TM2D1: variants seen among roughly 807,000 people sequenced by gnomAD.
TM2D1 encodes the protein TM2 domain containing 1.
Under a neutral mutation model 28.4 loss-of-function variants are expected in TM2D1, and 15 were observed. The observed-to-expected ratio is 0.53, with a 90% CI of 0.35 to 0.81. The LOEUF is 0.81. Among genes scored for constraint, TM2D1 ranks in the 40% least tolerant of loss-of-function variants. The pLI, the probability that TM2D1 is intolerant of heterozygous loss-of-function variation, is 0.01. For missense variants in TM2D1, 236 were observed against 254.9 expected (o/e 0.93, Z 0.50); for synonymous variants, 93 against 96.2 (o/e 0.97, Z 0.20).
chr1:61,707,169 G>A (rs897426307), intron 3 of TM2D1, among the ~76,000 whole-genome samples: 2 of 152,132 alleles, frequency 1.3e-5, no homozygotes, highest in African/African-American at 4.8e-5. Flanking sequence ...ATGAGAGGAT[G>A]GCTTGAACCA....
At chr1:61,708,996 T>C (rs1285174254) in intron 3 of TM2D1, among the ~76,000 whole-genome samples, 1 of 151,942 alleles carries the variant, frequency 6.6e-6, no homozygotes, top group Non-Finnish European at 1.5e-5. Flanking sequence ...AGAGATCTCA[T>C]CTCTACAAAA....
At chr1:61,691,216 C>A (rs905273820) in intron 5 of TM2D1, among the ~76,000 whole-genome samples, 1 of 152,042 alleles carries the variant, frequency 6.6e-6, no homozygotes, top group Non-Finnish European at 1.5e-5. Flanking sequence ...AATGCCCAGG[C>A]CAGGCATGGT....
At chr1:61,693,442 A>C (rs1557527974) in intron 5 of TM2D1, among the ~76,000 whole-genome samples, 2 of 152,174 alleles carry the variant, frequency 1.3e-5, no homozygotes, top group Admixed American at 6.5e-5. Flanking sequence ...GAATCCCAAT[A>C]ATATATTAAA....
At chr1:61,717,075 G>A (rs912325279) in intron 2 of TM2D1, among the ~76,000 whole-genome samples, 7 of 152,080 alleles carry the variant, frequency 4.6e-5, no homozygotes, top group South Asian at 4.1e-4. Context: ...ATGGCCGGGT[G>A]CAGTGGCTCA....
chr1:61,697,963 G>A (rs1256008188), intron 4 of TM2D1: 2 of 152,108 alleles, frequency 1.3e-5, no homozygotes, highest in Admixed American at 6.6e-5. Flanking sequence ...GCATCCCTAA[G>A]AAAGTGTTCT....
rs12134205 is a variant in TM2D1, at chr1:61,683,565, C to G, written c.514-19G>C. ...CAACAATCTAGAAGAGACAAAATTT[C>G]AAAATTATTCATTTTACAAAAGATA... On this transcript the variant is annotated intron_variant, in intron 5 of 6. Transcript: ENST00000606498. 262,861 of 1,161,406 alleles carry G rather than the reference C, an allele frequency of 0.23. 32,151 individuals carry two copies. The highest frequency in any genetic ancestry group is 0.25 in the Non-Finnish European group (211,774 of 836,448). The allele number at this position is 1,161,406 out of a possible 1,614,324, so 71.9% of individuals were successfully genotyped here.
intron 5 of TM2D1, among the ~76,000 whole-genome samples, chr1:61,691,961 GTA>G (rs1326139003): frequency 6.0e-5 from 5 of 83,744 alleles, no homozygotes; most frequent in East Asian, 4.3e-4. Context: ...ATATATATAT[GTA>G]TATATATATG....
intron 5 of TM2D1, chr1:61,687,064 C>T: frequency 8.7e-6 from 7 of 807,448 alleles, no homozygotes; most frequent in Non-Finnish European, 9.0e-6. Context: ...CTGAAGCTGG[C>T]TGGGCACAGT....
chr1:61,724,500 G>C (rs1644590704), intron 1 of TM2D1: 1 of 154,682 alleles, frequency 6.5e-6, no homozygotes, highest in South Asian at 2.0e-4. Context: ...GATGACATGA[G>C]GTAATATGCA....
chr1:61,709,829 T>G (rs1644464526), intron 2 of TM2D1, among the ~76,000 whole-genome samples: 1 of 152,248 alleles, frequency 6.6e-6, no homozygotes, highest in Non-Finnish European at 1.5e-5. Context: ...TAAATTATTT[T>G]AACATAATCT....
chr1:61,716,382 T>TA (rs1369125776), intron 2 of TM2D1, among the ~76,000 whole-genome samples: 8 of 146,076 alleles, frequency 5.5e-5, no homozygotes, highest in Non-Finnish European at 1.2e-4. Flanking sequence ...ATTATATAAT[T>TA]TTATATATAA....
chr1:61,716,571 A>G (rs1006816310), intron 2 of TM2D1, among the ~76,000 whole-genome samples: 2 of 142,136 alleles, frequency 1.4e-5, no homozygotes, highest in African/African-American at 2.5e-5. Context: ...TTATATATGT[A>G]TATAATTTTA....
intron 4 of TM2D1, chr1:61,696,045 C>T (rs1210003753): frequency 6.6e-6 from 1 of 152,154 alleles, no homozygotes; most frequent in Non-Finnish European, 1.5e-5. Flanking sequence ...CCCAAACACT[C>T]CCATCATTTC....
intron 4 of TM2D1, among the ~76,000 whole-genome samples, chr1:61,697,326 C>A (rs1275070981): frequency 3.3e-5 from 5 of 150,748 alleles, no homozygotes; most frequent in Admixed American, 3.3e-4. Context: ...TTTTTCTTTC[C>A]CTCTTTTCCT....
At chr1:61,685,265 C>T (rs759578987) in intron 5 of TM2D1, among the ~76,000 whole-genome samples, 4 of 152,230 alleles carry the variant, frequency 2.6e-5, no homozygotes, top group African/African-American at 4.8e-5. Context: ...TAAAATCCTA[C>T]GATATTTATA....
At chr1:61,709,288 G>C in intron 3 of TM2D1, 41 bp downstream of exon 3, 1 of 1,221,850 alleles carries the variant, frequency 8.2e-7, no homozygotes, top group South Asian at 1.2e-5. Context: ...ATATAATATA[G>C]GCAAGTAATC....
intron 3 of TM2D1, among the ~76,000 whole-genome samples, chr1:61,703,959 T>C (rs1644423274): frequency 1.3e-5 from 2 of 151,824 alleles, no homozygotes; most frequent in South Asian, 2.1e-4. Flanking sequence ...TTTCACCATG[T>C]TGTCCAGGCT....
At chr1:61,714,802 C>A (rs1644504936) in intron 2 of TM2D1, among the ~76,000 whole-genome samples, 1 of 152,134 alleles carries the variant, frequency 6.6e-6, no homozygotes. Context: ...GCAATCCACC[C>A]ATTTCGGCCT....
At chr1:61,703,707 C>A (rs2148051386) in intron 3 of TM2D1, among the ~76,000 whole-genome samples, 1 of 135,426 alleles carries the variant, frequency 7.4e-6, no homozygotes, top group Admixed American at 8.0e-5. Flanking sequence ...GCCACTGCAC[C>A]TAGCCAATCT....
Sources: allele counts gnomAD v4.1 joint callset (sites outside exome capture counted in the v4.1 genomes callset), GRCh38; gene constraint gnomAD v4.1.1; transcripts MANE v1.5; gene names NCBI Gene and HGNC (gene_info 2026-07-23, HGNC 2026-07-21).